Variants in P3H2 observed in about 807,000 individuals in gnomAD.
P3H2 encodes the protein prolyl 3-hydroxylase 2, also known as leprecan-like 1.
In P3H2, 80 loss-of-function variants were observed where a neutral mutation model predicts 87.0. That is an observed-to-expected ratio of 0.92 (90% CI 0.77 to 1.11). The LOEUF is 1.11. Ranked by LOEUF, P3H2 falls within the 50% of genes least tolerant of loss-of-function variation. The pLI is 0.00. For missense variants in P3H2, 1,001 were observed against 923.9 expected (o/e 1.08, Z -1.08); for synonymous variants, 367 against 359.3 (o/e 1.02, Z -0.24).
chr3:189,968,840 G>A (rs1398362500), intron 13 of P3H2, among the ~76,000 whole-genome samples: 1 of 152,172 alleles, frequency 6.6e-6, no homozygotes, highest in East Asian at 1.9e-4. Context: ...TGTCTCTAAT[G>A]ACCAGTGATG....
At chr3:190,112,650 G>A (rs542277531) in intron 1 of P3H2, among the ~76,000 whole-genome samples, 2 of 152,194 alleles carry the variant, frequency 1.3e-5, no homozygotes, top group African/African-American at 4.8e-5. Flanking sequence ...TAGAGGAAAC[G>A]ATATAGTACA....
intron 1 of P3H2, among the ~76,000 whole-genome samples, chr3:190,081,860 A>G (rs1727054634): frequency 6.6e-6 from 1 of 152,234 alleles, no homozygotes; most frequent in South Asian, 2.1e-4. Context: ...TGGCAAAATT[A>G]TAATTTATGA....
At chr3:190,098,213 AC>A (rs1237507965) in intron 1 of P3H2, among the ~76,000 whole-genome samples, 1 of 152,206 alleles carries the variant, frequency 6.6e-6, no homozygotes, top group African/African-American at 2.4e-5. Flanking sequence ...CTTATTGCAT[AC>A]GTGTTCCATA....
chr3:190,090,683 A>G (rs2108985481), intron 1 of P3H2, among the ~76,000 whole-genome samples: 1 of 150,204 alleles, frequency 6.7e-6, no homozygotes, highest in East Asian at 1.9e-4. Flanking sequence ...AGCCTGGGTG[A>G]CAGAGCAAGA....
intron 1 of P3H2, among the ~76,000 whole-genome samples, chr3:190,112,245 AC>A (rs1457450528): frequency 6.6e-6 from 1 of 151,968 alleles, no homozygotes; most frequent in Non-Finnish European, 1.5e-5. Flanking sequence ...ACTTTGATCA[AC>A]TCGATTCTCT....
chr3:190,002,499 C>T (rs564503888), intron 1 of P3H2, among the ~76,000 whole-genome samples: 5 of 150,984 alleles, frequency 3.3e-5, no homozygotes, highest in South Asian at 2.1e-4. Flanking sequence ...CTCCTGGGTT[C>T]GAGCAATTCT....
rs1199002523 is a variant in P3H2 at position 190,019,766 on chromosome 3, C to A, written c.481-24324G>T. ...GAAGAAAAGGAAAAAATCCATGTGA[C>A]ATTACCTAGAAATTAAAAAATATAT... On this transcript the variant is annotated intron_variant, in intron 1 of 14. Coordinates refer to ENST00000319332, the MANE Select transcript of P3H2 (RefSeq NM_018192.4). Among the ~76,000 whole-genome samples the A allele has an allele frequency of 2.6e-5, 3 of 114,784 alleles. 1 individual carries two copies. Among genetic ancestry groups the A allele is most frequent in the African/African-American group, 9.6e-5 (3 of 31,144 alleles). 75.3% of individuals were successfully genotyped at this position (114,784 alleles called of 152,430 possible). A position where few individuals can be genotyped will look rare whatever the true frequency, so the allele number is the denominator to read the frequency against.
chr3:190,106,452 C>G (rs753558353), intron 1 of P3H2, among the ~76,000 whole-genome samples: 1 of 152,096 alleles, frequency 6.6e-6, no homozygotes, highest in African/African-American at 2.4e-5. Flanking sequence ...ATTTTCTCCA[C>G]TTACCATGAT....
At chr3:190,032,518 AGAG>A (rs1725285195) in intron 1 of P3H2, among the ~76,000 whole-genome samples, 1 of 152,176 alleles carries the variant, frequency 6.6e-6, no homozygotes. Context: ...GATAGGAAGG[AGAG>A]GAGAAGAGGA....
At position 190,021,071 on chromosome 3, in the gene P3H2, C is replaced by A. The variant is rs1449327673; in HGVS notation, c.481-25629G>T. 1.5e-5 allele frequency among the ~76,000 whole-genome samples: 2 copies of A among 134,610 alleles called. 1 individual carries two copies. Among genetic ancestry groups the A allele is most frequent in the African/African-American group, 5.1e-5 (2 of 38,908 alleles). 88.3% of individuals were successfully genotyped at this position (134,610 alleles called of 152,430 possible). On this transcript the variant is annotated intron_variant, in intron 1 of 14. Transcript: ENST00000319332. ...GTAACCATCTTTGCCTTACACCAGG[C>A]TAGAGTCCTCTAGATGTTTATTCTA... is the stretch of plus-strand genomic sequence containing the variant.
chr3:190,019,791 T>A (rs200775048), intron 1 of P3H2, among the ~76,000 whole-genome samples: 4,834 of 43,362 alleles, frequency 0.11, 816 homozygotes, highest in East Asian at 0.32. Flanking sequence ...AAAAAATATA[T>A]ATATATATAT....
chr3:190,067,738 G>T (rs1402560241), intron 1 of P3H2, among the ~76,000 whole-genome samples: 2 of 151,960 alleles, frequency 1.3e-5, no homozygotes, highest in African/African-American at 4.8e-5. Context: ...TATTTATGAA[G>T]TATTTCTGGG....
chr3:190,019,249 G>A (rs1724860761), intron 1 of P3H2, among the ~76,000 whole-genome samples: 1 of 152,146 alleles, frequency 6.6e-6, no homozygotes, highest in African/African-American at 2.4e-5. Context: ...GGAGATTAAG[G>A]ATGCTGATGT....
intron 1 of P3H2, among the ~76,000 whole-genome samples, chr3:190,041,037 TAC>T (rs1202716732): frequency 0.023 from 1,114 of 49,274 alleles, 114 homozygotes; most frequent in East Asian, 0.037. Context: ...TATATATATA[TAC>T]ACACACACAC....
intron 1 of P3H2, among the ~76,000 whole-genome samples, chr3:190,087,543 CAA>C (rs1275653964): frequency 1.2e-3 from 82 of 68,920 alleles, no homozygotes; most frequent in African/African-American, 3.9e-3. Context: ...GACTACATCT[CAA>C]AAAAAAAAAA....
At chr3:190,101,368 C>CAAAAAAAAAAAAAAAA (rs34737545) in intron 1 of P3H2, among the ~76,000 whole-genome samples, 1 of 23,938 alleles carries the variant, frequency 4.2e-5, no homozygotes, top group African/African-American at 1.7e-4. Flanking sequence ...ATCATGAACG[C>CAAAAAAAAAAAAAAAA]AAAAAAAAAA....
intron 1 of P3H2, among the ~76,000 whole-genome samples, chr3:190,077,566 C>T (rs1726911354): frequency 6.6e-6 from 1 of 152,150 alleles, no homozygotes; most frequent in Admixed American, 6.6e-5. Context: ...TTGTTCTTGT[C>T]TATTGAAGAA....
At chr3:189,983,166 G>A in intron 7 of P3H2, 26 bp from the exon 8 acceptor site, 2 of 1,548,350 alleles carry the variant, frequency 1.3e-6, no homozygotes, top group Non-Finnish European at 1.8e-6. Context: ...ATTTAAAATG[G>A]CAATTTGTCA....
intron 1 of P3H2, among the ~76,000 whole-genome samples, chr3:190,114,340 C>T (rs1027849734): frequency 6.6e-6 from 1 of 150,956 alleles, no homozygotes; most frequent in Non-Finnish European, 1.5e-5. Flanking sequence ...CCTGCCACCA[C>T]GCCCGCCTAA....
Sources: allele counts gnomAD v4.1 joint callset (sites outside exome capture counted in the v4.1 genomes callset), GRCh38; gene constraint gnomAD v4.1.1; transcripts MANE v1.5; gene names NCBI Gene and HGNC (gene_info 2026-07-23, HGNC 2026-07-21).